The following SYN2 variants were observed in gnomAD, a reference collection of about 807,000 sequenced individuals.
SYN2 encodes the protein synapsin-2.
Under a neutral mutation model 50.9 loss-of-function variants are expected in SYN2, and 19 were observed. The observed-to-expected ratio is 0.37, with a 90% confidence interval of 0.26 to 0.55. The LOEUF is 0.55. SYN2 is among the 20% of genes least tolerant of loss of function. The probability of loss-of-function intolerance (pLI) is 0.81; values close to 1 mark genes in which losing one functional copy is unlikely to be tolerated. For synonymous variants in SYN2, 255 were observed against 224.9 expected (o/e 1.13, Z -1.20); for missense variants, 587 against 576.4 (o/e 1.02, Z -0.19).
At chr3:12,065,514 A>C (rs1187291378) in intron 1 of SYN2, among the ~76,000 whole-genome samples, 2 of 152,242 alleles carry the variant, frequency 1.3e-5, no homozygotes, top group Non-Finnish European at 2.9e-5. Flanking sequence ...AATACTATAC[A>C]GCCATAAAAA....
Position 12,141,198 on chromosome 3 carries a change from A to AT in SYN2, c.435+506dup, listed in dbSNP as rs10715385. On this transcript the variant is annotated intron_variant, in intron 2 of 12. Coordinates refer to ENST00000621198, the MANE Select transcript of SYN2 (RefSeq NM_133625.6). ...AATACAGTGAATCACTGAAAGTCCAATTTTTTTTTTTTTTTTAACCTTCCT... is the reference window on the plus strand; with the variant it reads ...AATACAGTGAATCACTGAAAGTCCAATTTTTTTTTTTTTTTTTAACCTTCCT... 3.8e-3 allele frequency among the ~76,000 whole-genome samples: 548 copies of AT among 145,106 alleles called. 1 individual carries two copies. The highest frequency in any genetic ancestry group is 7.4e-3 in the African/African-American group (295 of 39,874).
intron 11 of SYN2, chr3:12,184,303 G>T: frequency 1.0e-6 from 1 of 984,846 alleles, no homozygotes; most frequent in Non-Finnish European, 1.2e-6. Flanking sequence ...CTTCATTGTT[G>T]CTGTTTCTGG....
intron 1 of SYN2, among the ~76,000 whole-genome samples, chr3:12,062,225 A>G (rs1279877134): frequency 6.6e-6 from 1 of 152,048 alleles, no homozygotes; most frequent in Non-Finnish European, 1.5e-5. Flanking sequence ...ACTCACACAG[A>G]TAATAATCAA....
chr3:12,050,216 C>T (rs1694825638), intron 1 of SYN2, among the ~76,000 whole-genome samples: 1 of 151,278 alleles, frequency 6.6e-6, no homozygotes, highest in Admixed American at 6.6e-5. Flanking sequence ...AGTTCTTAGA[C>T]TGTTAATGGT....
chr3:12,185,749 T>C (rs1698330117), intron 11 of SYN2: 1 of 985,854 alleles, frequency 1.0e-6, no homozygotes, highest in Non-Finnish European at 1.2e-6. Context: ...AGTTGTAACG[T>C]TTCTGGCTAT....
In SYN2 at chr3:12,044,205, A is replaced by C. The variant is rs200411724; in HGVS notation, c.377+39277A>C. Among the ~76,000 whole-genome samples the C allele has an allele frequency of 1.7e-3, 235 of 135,220 alleles. 2 individuals carry two copies. The highest frequency in any genetic ancestry group is 5.8e-3 in the African/African-American group (223 of 38,170). 88.7% of individuals were successfully genotyped at this position (135,220 alleles called of 152,430 possible). ...CTCACACACACACACACACACACAC[A>C]CACACACACACACACACAGGTGTGA... is the stretch of plus-strand genomic sequence containing the variant. On this transcript the variant is annotated intron_variant, in intron 1 of 12. Coordinates refer to ENST00000621198, the MANE Select transcript of SYN2 (RefSeq NM_133625.6).
At chr3:12,082,108 A>C (rs932074361) in intron 1 of SYN2, among the ~76,000 whole-genome samples, 4 of 152,182 alleles carry the variant, frequency 2.6e-5, no homozygotes, top group Admixed American at 6.5e-5. Flanking sequence ...ACAAAGCAAA[A>C]TCAGCAAAGG....
chr3:12,107,814 T>C (rs1696228193), intron 1 of SYN2, among the ~76,000 whole-genome samples: 1 of 152,224 alleles, frequency 6.6e-6, no homozygotes, highest in Non-Finnish European at 1.5e-5. Flanking sequence ...GATGGGGTTT[T>C]AACCCAACAT....
chr3:12,017,359 T>C (rs966718774), intron 1 of SYN2, among the ~76,000 whole-genome samples: 2 of 152,198 alleles, frequency 1.3e-5, no homozygotes, highest in Admixed American at 1.3e-4. Flanking sequence ...ATTAACCTAA[T>C]TTTACAAATG....
At chr3:12,063,140 A>G (rs1235785319) in intron 1 of SYN2, among the ~76,000 whole-genome samples, 1 of 151,952 alleles carries the variant, frequency 6.6e-6, no homozygotes, top group Non-Finnish European at 1.5e-5. Flanking sequence ...AAACTATTCT[A>G]TATGATACTG....
At chr3:12,034,665 T>C (rs576372245) in intron 1 of SYN2, among the ~76,000 whole-genome samples, 6 of 152,248 alleles carry the variant, frequency 3.9e-5, no homozygotes, top group Admixed American at 3.9e-4. Flanking sequence ...ACTTATCCAT[T>C]ATCAGGAACC....
At chr3:12,075,625 G>C (rs1015080511) in intron 1 of SYN2, among the ~76,000 whole-genome samples, 1 of 151,190 alleles carries the variant, frequency 6.6e-6, no homozygotes, top group Non-Finnish European at 1.5e-5. Flanking sequence ...AAATCTTCAG[G>C]GTCATTATTT....
intron 1 of SYN2, among the ~76,000 whole-genome samples, chr3:12,111,493 T>C (rs1317763602): frequency 1.3e-5 from 2 of 152,200 alleles, no homozygotes; most frequent in Non-Finnish European, 2.9e-5. Flanking sequence ...TCATCAGGAT[T>C]ATCATAATCT....
In SYN2 at chr3:12,135,464, T is replaced by A. The variant is rs537608470; in HGVS notation, c.378-5187T>A. Among the ~76,000 whole-genome samples, 6 of 152,330 alleles carry A rather than the reference T, an allele frequency of 3.9e-5. No individual in the cohort carries two copies. The South Asian group carries it at 1.2e-3, about 32-fold the overall frequency. On this transcript the variant is annotated intron_variant, in intron 1 of 12. Transcript: ENST00000621198. ...GCTAGATATTTACTAGGTGCTGGAC[T>A]GTTTACAGAGCTCTGGGAAGTCTTT...
chr3:12,026,224 A>G (rs1213185513), intron 1 of SYN2, among the ~76,000 whole-genome samples: 1 of 152,114 alleles, frequency 6.6e-6, no homozygotes, highest in East Asian at 1.9e-4. Context: ...GGTTTCATTT[A>G]TTGAATATGC....
At chr3:12,110,158 A>G (rs1696281863) in intron 1 of SYN2, among the ~76,000 whole-genome samples, 3 of 152,194 alleles carry the variant, frequency 2.0e-5, no homozygotes. Flanking sequence ...ACTGTATTCC[A>G]TCCTGGGCAA....
At chr3:12,051,927 C>T (rs909352823) in intron 1 of SYN2, among the ~76,000 whole-genome samples, 5 of 152,152 alleles carry the variant, frequency 3.3e-5, no homozygotes, top group African/African-American at 1.2e-4. Flanking sequence ...CTAAATTCAC[C>T]GTGTATTTCC....
chr3:12,168,418 C>A lies in SYN2; in HGVS notation c.1098C>A (p.Gly366=), dbSNP rs1697855434. 1 of 1,613,832 alleles carries A rather than the reference C, an allele frequency of 6.2e-7. No individual in the cohort carries two copies. The highest frequency in any genetic ancestry group is 1.7e-5 in the Admixed American group (1 of 59,960). Residue 366 remains glycine (G), a synonymous_variant, in exon 9 of 13, where the codon GGC becomes GGA. Transcript: ENST00000621198. The part of the protein sequence containing the change: ...WVDTCSEMFG[G]LDICAVKAVH... ...ACACCTGCTCTGAGATGTTTGGCGG[C>A]CTGGACATCTGTGCTGTCAAAGCTG...
At chr3:12,137,189 A>T (rs1696914055) in intron 1 of SYN2, among the ~76,000 whole-genome samples, 1 of 151,256 alleles carries the variant, frequency 6.6e-6, no homozygotes, top group South Asian at 2.1e-4. Context: ...TCGAGGCTAC[A>T]GTGAGCTATG....
Sources: gnomAD v4.1 joint callset for allele counts (sites outside exome capture counted in the v4.1 genomes callset) on GRCh38, gnomAD v4.1.1 for gene constraint, MANE v1.5 for transcripts, NCBI Gene and HGNC (gene_info 2026-07-23, HGNC 2026-07-21) for gene names.